Variants in TMEM132D observed in about 807,000 individuals in gnomAD.
TMEM132D encodes the protein mature OL transmembrane protein.
A neutral mutation model predicts 62.3 loss-of-function variants in TMEM132D; 21 were observed. The observed-to-expected ratio is 0.34, with a 90% CI of 0.24 to 0.49. The LOEUF is 0.49. Among genes scored for constraint, TMEM132D ranks in the 20% least tolerant of loss-of-function variants. The pLI is 0.99. For missense variants in TMEM132D, 1,346 were observed against 1,402.8 expected, an observed-to-expected ratio of 0.96 and a Z score of 0.65; for synonymous variants, 621 against 575.6, an observed-to-expected ratio of 1.08 and a Z score of -1.13.
chr12:129,794,056 ATTTTT>A (rs965640515), intron 1 of TMEM132D, among the ~76,000 whole-genome samples: 3 of 146,598 alleles, frequency 2.0e-5, no homozygotes, highest in African/African-American at 7.5e-5. Context: ...ATACTGCAGT[ATTTTT>A]TTTTAAGTGT....
At chr12:129,595,696 C>T (rs1209263301) in intron 2 of TMEM132D, among the ~76,000 whole-genome samples, 1 of 152,212 alleles carries the variant, frequency 6.6e-6, no homozygotes, top group African/African-American at 2.4e-5. Flanking sequence ...CAAAGGGTAG[C>T]CTTCTGACCC....
rs370436115 is a variant in TMEM132D, at chr12:129,223,553, G to A, written c.1300-13890C>T. On this transcript the variant is annotated intron_variant, in intron 4 of 8. Transcript: ENST00000422113. Reference sequence around the variant, plus strand: ...ACCTGGCAGAGTCCTGTAGACCCCCGGAGCCATATGGCAGAACATAATATA... The same window carrying A: ...ACCTGGCAGAGTCCTGTAGACCCCCAGAGCCATATGGCAGAACATAATATA... Among the ~76,000 whole-genome samples, 8 of 152,116 alleles carry A rather than the reference G, an allele frequency of 5.3e-5. No individual in the cohort carries two copies. In the South Asian group the frequency reaches 6.2e-4, roughly 12 times the overall value.
intron 2 of TMEM132D, among the ~76,000 whole-genome samples, chr12:129,658,918 CT>C (rs1282415309): frequency 2.0e-5 from 3 of 152,046 alleles, no homozygotes; most frequent in South Asian, 2.1e-4. Context: ...AATGAGACCC[CT>C]GTCTGGGGTC....
At chr12:129,840,742 A>G (rs1397323351) in intron 1 of TMEM132D, among the ~76,000 whole-genome samples, 1 of 152,186 alleles carries the variant, frequency 6.6e-6, no homozygotes, top group Admixed American at 6.5e-5. Context: ...GGGCAACACC[A>G]GCGAGCTTCT....
intron 2 of TMEM132D, among the ~76,000 whole-genome samples, chr12:129,652,256 C>T (rs1363877424): frequency 6.6e-6 from 1 of 152,156 alleles, no homozygotes; most frequent in Non-Finnish European, 1.5e-5. Flanking sequence ...CAGCTGGCAA[C>T]CGTGGGGCTG....
In TMEM132D at chr12:129,590,493, T is replaced by G. The variant is rs562554535; in HGVS notation, c.969-59288A>C. Reference sequence around the variant, plus strand: ...AACGTTATTTCACTTTCTGCCCCTGTTTCTCATGGATCTTGTAAGAATCTG... The same window carrying G: ...AACGTTATTTCACTTTCTGCCCCTGGTTCTCATGGATCTTGTAAGAATCTG... On this transcript the variant is annotated intron_variant, in intron 2 of 8. Transcript: ENST00000422113. Among the ~76,000 whole-genome samples the G allele has an allele frequency of 3.9e-5, 6 of 152,350 alleles. No homozygotes were observed. In the South Asian group the frequency reaches 1.2e-3, roughly 32 times the overall value.
At chr12:129,603,089 G>A (rs1464072428) in intron 2 of TMEM132D, among the ~76,000 whole-genome samples, 2 of 152,172 alleles carry the variant, frequency 1.3e-5, no homozygotes, top group Non-Finnish European at 1.5e-5. Flanking sequence ...AGAGATTTGG[G>A]TGGGGACACA....
chr12:129,563,195 C>T (rs565013162), intron 2 of TMEM132D, among the ~76,000 whole-genome samples: 1 of 152,262 alleles, frequency 6.6e-6, no homozygotes, highest in Admixed American at 6.5e-5. Context: ...AGAATAACTG[C>T]AAGATAAAAC....
chr12:129,074,742 G>A lies in TMEM132D; in HGVS notation c.2433C>T (p.His811=), dbSNP rs773779822. ...DANPNTSDSR[H]TGAGVHMENN... is the part of the protein sequence containing the mutation. ...TTTCCATGTGAACCCCTGCCCCTGT[G>A]TGTCTGCTGTCACTGGTGTTGGGGT... The change falls in exon 9 of 9, where the codon CAC becomes CAT. Residue 811 remains histidine, a synonymous_variant. Transcript: ENST00000422113. 6.2e-7 allele frequency: 1 copy of A among 1,614,154 alleles called. No individual in the cohort carries two copies. Among genetic ancestry groups the A allele is most frequent in the Non-Finnish European group, 8.5e-7 (1 of 1,180,042 alleles).
At chr12:129,523,851 C>T (rs537001749) in intron 3 of TMEM132D, among the ~76,000 whole-genome samples, 2 of 152,272 alleles carry the variant, frequency 1.3e-5, no homozygotes, top group East Asian at 3.9e-4. Context: ...TGAATTACTG[C>T]TGCCTCCTGG....
At chr12:129,799,388 ATATATACATAT>A (rs1871677135) in intron 1 of TMEM132D, among the ~76,000 whole-genome samples, 2 of 560 alleles carry the variant, frequency 3.6e-3, no homozygotes, top group African/African-American at 0.013. Flanking sequence ...ATATATGTGT[ATATATACATAT>A]TATATATGTA....
intron 2 of TMEM132D, among the ~76,000 whole-genome samples, chr12:129,607,632 C>T (rs940066772): frequency 1.1e-4 from 17 of 152,280 alleles, no homozygotes; most frequent in South Asian, 4.1e-4. Context: ...AAGGGCCAAG[C>T]CTTTTTCTGG....
chr12:129,582,600 C>T (rs553291615), intron 2 of TMEM132D, among the ~76,000 whole-genome samples: 75 of 147,094 alleles, frequency 5.1e-4, no homozygotes, highest in Non-Finnish European at 6.5e-4. Flanking sequence ...ACTTGTAAGA[C>T]GTGAGACTCA....
intron 3 of TMEM132D, among the ~76,000 whole-genome samples, chr12:129,417,423 A>G (rs571731265): frequency 6.6e-6 from 1 of 152,334 alleles, no homozygotes; most frequent in East Asian, 1.9e-4. Flanking sequence ...GATCTTTGAC[A>G]AATCTGACAA....
chr12:129,127,398 T>A (rs1215206544), intron 5 of TMEM132D, among the ~76,000 whole-genome samples: 1 of 152,168 alleles, frequency 6.6e-6, no homozygotes, highest in East Asian at 1.9e-4. Context: ...TGGGACTCAA[T>A]TAACAGTCAG....
intron 3 of TMEM132D, among the ~76,000 whole-genome samples, chr12:129,503,920 A>G (rs560619346): frequency 6.6e-6 from 1 of 152,120 alleles, no homozygotes; most frequent in African/African-American, 2.4e-5. Flanking sequence ...TATTGCCATC[A>G]TCATCATCAT....
intron 3 of TMEM132D, among the ~76,000 whole-genome samples, chr12:129,526,031 C>T (rs373204419): frequency 8.5e-5 from 13 of 152,124 alleles, no homozygotes; most frequent in Non-Finnish European, 1.3e-4. Flanking sequence ...TGGATAACAG[C>T]CTGCTGGAAA....
At chr12:129,361,564 G>A (rs963365940) in intron 3 of TMEM132D, among the ~76,000 whole-genome samples, 1 of 152,216 alleles carries the variant, frequency 6.6e-6, no homozygotes, top group Non-Finnish European at 1.5e-5. Flanking sequence ...CTGACATAAA[G>A]TCAGGCCCCA....
intron 1 of TMEM132D, among the ~76,000 whole-genome samples, chr12:129,837,500 C>T (rs1350111932): frequency 6.6e-6 from 1 of 152,094 alleles, no homozygotes; most frequent in Non-Finnish European, 1.5e-5. Flanking sequence ...CGCACATACA[C>T]AAAAAAGAAC....
Sources: allele counts gnomAD v4.1 joint callset (sites outside exome capture counted in the v4.1 genomes callset), GRCh38; gene constraint gnomAD v4.1.1; transcripts MANE v1.5; gene names NCBI Gene and HGNC (gene_info 2026-07-23, HGNC 2026-07-21).